SORCS1: variants seen among roughly 807,000 people sequenced by gnomAD.
The protein encoded by SORCS1 is sortilin related VPS10 domain containing receptor 1, also known as VPS10 domain-containing receptor SorCS1.
A neutral mutation model predicts 146.1 loss-of-function variants in SORCS1; 60 were observed. The observed-to-expected ratio is 0.41, with a 90% CI of 0.33 to 0.51. The LOEUF (loss-of-function observed/expected upper bound fraction) is 0.51. SORCS1 is among the 20% of genes least tolerant of loss of function. The probability of loss-of-function intolerance (pLI) is 0.21; values close to 1 mark genes in which losing one functional copy is unlikely to be tolerated. For missense variants in SORCS1, 1,352 were observed against 1,487.6 expected, an observed-to-expected ratio of 0.91 and a Z score of 1.50; for synonymous variants, 637 against 584.0, an observed-to-expected ratio of 1.09 and a Z score of -1.31.
intron 1 of SORCS1, among the ~76,000 whole-genome samples, chr10:107,136,437 A>G (rs1251594838): frequency 1.3e-5 from 2 of 152,202 alleles, no homozygotes; most frequent in Non-Finnish European, 2.9e-5. Flanking sequence ...TTCAGATTGC[A>G]TAGCCATCAA....
At chr10:106,580,797 G>A (rs546656692) in intron 24 of SORCS1, among the ~76,000 whole-genome samples, 1 of 152,242 alleles carries the variant, frequency 6.6e-6, no homozygotes, top group Non-Finnish European at 1.5e-5. Flanking sequence ...TATTGATACT[G>A]GGAAGCATAT....
intron 2 of SORCS1, among the ~76,000 whole-genome samples, chr10:106,955,089 G>A (rs1008604519): frequency 5.3e-5 from 8 of 152,332 alleles, no homozygotes; most frequent in East Asian, 1.9e-4. Flanking sequence ...GCTGTAACAC[G>A]AATGAGGTGA....
At chr10:106,771,077 G>A (rs528601778) in intron 4 of SORCS1, among the ~76,000 whole-genome samples, 5 of 152,300 alleles carry the variant, frequency 3.3e-5, no homozygotes, top group African/African-American at 7.2e-5. Context: ...TCCTGACAGC[G>A]TTCATGTTGG....
rs1363420755 is a variant in SORCS1, at chr10:107,100,411, G to A, written c.558+63558C>T. On this transcript the variant is annotated intron_variant, in intron 1 of 25. Coordinates refer to ENST00000263054, the MANE Select transcript of SORCS1 (RefSeq NM_052918.5). ...CGCCTGTAGTCCCAGCTACTTGGAA[G>A]GCTGAGGCAGGAGAATGGTGTGAAC... 2.0e-5 allele frequency among the ~76,000 whole-genome samples: 3 copies of A among 152,078 alleles called. No homozygotes were observed. In the East Asian group the frequency reaches 5.8e-4, roughly 29 times the overall value.
chr10:106,996,255 T>C (rs1043138972), intron 1 of SORCS1, among the ~76,000 whole-genome samples: 8 of 4,784 alleles, frequency 1.7e-3, no homozygotes, highest in African/African-American at 0.012. Flanking sequence ...AAAAATAGAA[T>C]GTAGAAATGA....
intron 6 of SORCS1, among the ~76,000 whole-genome samples, chr10:106,727,933 G>T (rs965297499): frequency 6.6e-6 from 1 of 152,224 alleles, no homozygotes; most frequent in African/African-American, 2.4e-5. Context: ...GGAGAGGGCA[G>T]ACTAAGATTA....
chr10:106,658,467 C>T (rs554653128), intron 17 of SORCS1, among the ~76,000 whole-genome samples: 3 of 151,888 alleles, frequency 2.0e-5, no homozygotes, highest in Non-Finnish European at 2.9e-5. Flanking sequence ...AACGGTGGTC[C>T]TCATTTGCAC....
In SORCS1 at chr10:106,944,871, C is replaced by CT. The variant is rs1564838013; in HGVS notation, c.626+11641dup. On this transcript the variant is annotated intron_variant, in intron 2 of 25. Transcript: ENST00000263054. ...ATGGTAGAAAGAAGCAAGAAAGAGC[C>CT]TTCTTTTTTTTTTTTTTTTTTTTTT... Among the ~76,000 whole-genome samples the CT allele has an allele frequency of 3.4e-4, 21 of 61,010 alleles. 1 individual carries two copies. Among genetic ancestry groups the CT allele is most frequent in the African/African-American group, 5.4e-4 (12 of 22,390 alleles). The allele number at this position is 61,010 out of a possible 152,430, so 40.0% of individuals were successfully genotyped here.
At chr10:106,602,512 A>AACACACACACACACACACACAC (rs66699179) in intron 23 of SORCS1, among the ~76,000 whole-genome samples, 60 of 138,844 alleles carry the variant, frequency 4.3e-4, no homozygotes, top group Admixed American at 9.4e-4. Flanking sequence ...ATTCCTTCAT[A>AACACACACACACACACACACAC]ACACACACAC....
At chr10:106,590,032 T>C (rs990776221) in intron 24 of SORCS1, among the ~76,000 whole-genome samples, 3 of 152,178 alleles carry the variant, frequency 2.0e-5, no homozygotes, top group African/African-American at 7.2e-5. Flanking sequence ...TCCCTCTCCC[T>C]TTGCTCATTA....
chr10:106,683,143 A>G (rs368946932), intron 10 of SORCS1, among the ~76,000 whole-genome samples: 18 of 152,344 alleles, frequency 1.2e-4, no homozygotes, highest in South Asian at 4.1e-4. Context: ...CCCGAAACCC[A>G]TAAGTGGACC....
At chr10:107,004,873 G>C (rs187145037) in intron 1 of SORCS1, among the ~76,000 whole-genome samples, 79 of 152,186 alleles carry the variant, frequency 5.2e-4, no homozygotes, top group Non-Finnish European at 9.1e-4. Flanking sequence ...GGGTGGGTGG[G>C]CCTGTGCGTG....
intron 1 of SORCS1, among the ~76,000 whole-genome samples, chr10:107,071,201 G>GA (rs35061943): frequency 0.23 from 35,395 of 150,756 alleles, 4,453 homozygotes; most frequent in Middle Eastern, 0.4. Flanking sequence ...CTTTACGGCA[G>GA]AAAAAAAAAT....
At chr10:106,907,869 G>A in intron 2 of SORCS1, among the ~76,000 whole-genome samples, 1 of 149,956 alleles carries the variant, frequency 6.7e-6, no homozygotes, top group East Asian at 2.0e-4. Flanking sequence ...GGAGGTTGCA[G>A]TGAGCCGAGA....
At chr10:107,091,803 A>T (rs1484862570) in intron 1 of SORCS1, among the ~76,000 whole-genome samples, 1 of 151,962 alleles carries the variant, frequency 6.6e-6, no homozygotes, top group Non-Finnish European at 1.5e-5. Context: ...ATTTTCTTCA[A>T]CTCTTTTCAC....
intron 4 of SORCS1, among the ~76,000 whole-genome samples, chr10:106,773,277 C>T (rs1170534089): frequency 1.3e-5 from 2 of 152,200 alleles, no homozygotes; most frequent in Non-Finnish European, 2.9e-5. Flanking sequence ...CACTGGCCAG[C>T]CAACACCAGC....
intron 5 of SORCS1, among the ~76,000 whole-genome samples, chr10:106,731,532 G>A (rs991771218): frequency 6.6e-5 from 10 of 152,072 alleles, no homozygotes; most frequent in African/African-American, 2.4e-4. Context: ...CTGAATCATA[G>A]TTTAAGACAC....
rs960799127 is a variant in SORCS1 at position 106,926,138 on chromosome 10, T to C, written c.626+30375A>G. Among the ~76,000 whole-genome samples the C allele has an allele frequency of 6.8e-5, 8 of 117,798 alleles. No individual in the cohort carries two copies. The East Asian group carries it at 9.1e-4, about 13-fold the overall frequency. The allele number at this position is 117,798 out of a possible 152,430, so 77.3% of individuals were successfully genotyped here. ...AGTGCATTCAATCCCAGCTAAAGCATAGTTATTTGTATCCTTAAGAGTTAT... is the reference window on the plus strand; with the variant it reads ...AGTGCATTCAATCCCAGCTAAAGCACAGTTATTTGTATCCTTAAGAGTTAT... On this transcript the variant is annotated intron_variant, in intron 2 of 25. Transcript: ENST00000263054.
intron 1 of SORCS1, among the ~76,000 whole-genome samples, chr10:107,091,737 T>C (rs1964192040): frequency 6.6e-6 from 1 of 152,168 alleles, no homozygotes; most frequent in Non-Finnish European, 1.5e-5. Context: ...CCCATGTGCC[T>C]CTAACAGCTG....
Sources: allele counts gnomAD v4.1 joint callset (sites outside exome capture counted in the v4.1 genomes callset), GRCh38; gene constraint gnomAD v4.1.1; transcripts MANE v1.5; gene names NCBI Gene and HGNC (gene_info 2026-07-23, HGNC 2026-07-21).